GNB1: variants seen among roughly 807,000 people sequenced by gnomAD.
GNB1 encodes the protein guanine nucleotide-binding protein G(I)/G(S)/G(T) subunit beta-1.
Under a neutral mutation model 42.9 loss-of-function variants are expected in GNB1, and 2 were observed. The observed-to-expected ratio is 0.05, with a 90% CI of 0.02 to 0.15. GNB1 has a LOEUF of 0.15. Ranked by LOEUF, GNB1 falls within the 10% of genes least tolerant of loss-of-function variation. The pLI is 1.00. For synonymous variants in GNB1, 183 were observed against 174.7 expected (o/e 1.05, Z -0.38); for missense variants, 193 against 462.2 (o/e 0.42, Z 5.34).
At chr1:1,890,361 C>T (rs1404329688) in intron 1 of GNB1, 2 of 151,452 alleles carry the variant, frequency 1.3e-5, no homozygotes, top group Admixed American at 1.3e-4. Context: ...CCCTCAAAGT[C>T]ACCCCGATAG....
chr1:1,881,141 A>C (rs1649823830), intron 1 of GNB1, among the ~76,000 whole-genome samples: 1 of 152,014 alleles, frequency 6.6e-6, no homozygotes, highest in Non-Finnish European at 1.5e-5. Context: ...AACACACACA[A>C]ACTAAACTCA....
At chr1:1,888,539 G>T (rs186193920) in intron 1 of GNB1, among the ~76,000 whole-genome samples, 1 of 152,118 alleles carries the variant, frequency 6.6e-6, no homozygotes. Context: ...CTAATCGTTA[G>T]AAAGTTCTGC....
At chr1:1,863,856 G>A (rs768098470) in intron 1 of GNB1, among the ~76,000 whole-genome samples, 19 of 152,252 alleles carry the variant, frequency 1.2e-4, no homozygotes, top group Non-Finnish European at 2.6e-4. Flanking sequence ...TTAAAGAATA[G>A]GACAGAACAA....
At chr1:1,795,494 G>A (rs984464872) in intron 7 of GNB1, among the ~76,000 whole-genome samples, 5 of 152,122 alleles carry the variant, frequency 3.3e-5, no homozygotes, top group Non-Finnish European at 7.4e-5. Context: ...GGCTGGACGC[G>A]GTGGCTCATG....
At chr1:1,871,579 T>C (rs1649251181) in intron 1 of GNB1, among the ~76,000 whole-genome samples, 2 of 152,134 alleles carry the variant, frequency 1.3e-5, no homozygotes, top group African/African-American at 4.8e-5. Flanking sequence ...CTCCTTTTAA[T>C]AACCCCTCCA....
chr1:1,815,649 A>ACTTCCTAG (rs1288316022), intron 5 of GNB1, 107 bp downstream of exon 5: 8 of 642,750 alleles, frequency 1.2e-5, no homozygotes, highest in Non-Finnish European at 2.0e-5. Flanking sequence ...CAACTTCCTA[A>ACTTCCTAG]TTTCTTCACT....
chr1:1,830,979 C>T (rs774762816), intron 2 of GNB1, among the ~76,000 whole-genome samples: 20 of 152,102 alleles, frequency 1.3e-4, no homozygotes, highest in Non-Finnish European at 2.6e-4. Context: ...GCCTGGCCAA[C>T]GTGGTGAAAC....
chr1:1,872,263 C>A (rs1649290150), intron 1 of GNB1, among the ~76,000 whole-genome samples: 1 of 152,194 alleles, frequency 6.6e-6, no homozygotes, highest in South Asian at 2.1e-4. Flanking sequence ...TAAGCATGAA[C>A]CACTGCACCC....
At chr1:1,859,705 G>A (rs1271560887) in intron 1 of GNB1, among the ~76,000 whole-genome samples, 2 of 148,562 alleles carry the variant, frequency 1.3e-5, no homozygotes, top group Non-Finnish European at 3.0e-5. Context: ...GGGGGAGAGG[G>A]GTGGGAAAGA....
intron 4 of GNB1, among the ~76,000 whole-genome samples, chr1:1,816,121 G>C (rs184519494): frequency 1.3e-5 from 2 of 152,318 alleles, no homozygotes; most frequent in Admixed American, 1.3e-4. Context: ...CAGCCTTGAA[G>C]CACTTGCTGT....
intron 1 of GNB1, among the ~76,000 whole-genome samples, chr1:1,867,121 G>A (rs1026845834): frequency 2.6e-5 from 4 of 152,010 alleles, no homozygotes; most frequent in African/African-American, 9.7e-5. Flanking sequence ...ACAAAAATTA[G>A]CCAAGCATGG....
intron 1 of GNB1, among the ~76,000 whole-genome samples, chr1:1,849,226 ATG>A (rs1647848997): frequency 6.6e-6 from 1 of 152,170 alleles, no homozygotes; most frequent in Admixed American, 6.6e-5. Context: ...GGCTTGGAGG[ATG>A]TGTGCTTGAG....
chr1:1,806,650 T>C (rs1646698962), intron 5 of GNB1, 112 bp from the exon 6 acceptor site: 2 of 633,098 alleles, frequency 3.2e-6, no homozygotes, highest in Admixed American at 2.9e-5. Context: ...ATGTTACATG[T>C]GCTTCAGACA....
rs946068958 is a variant in GNB1, at chr1:1,787,515, C to T, written c.917-78G>A. Reference sequence around the variant, plus strand: ...CCTGTGTGCCATGTTGTGACGAGGACGGATGGTGCATCTCTCATGGGACAA... The same window carrying T: ...CCTGTGTGCCATGTTGTGACGAGGATGGATGGTGCATCTCTCATGGGACAA... On this transcript the variant is annotated intron_variant, in intron 10 of 11. Coordinates refer to ENST00000378609, the MANE Select transcript of GNB1 (RefSeq NM_002074.5). The surrounding 1 kb of genome is among the most constrained non-coding windows in gnomAD (Gnocchi z 4.4). 3.8e-5 allele frequency: 32 copies of T among 843,892 alleles called. No homozygotes were observed. Among genetic ancestry groups the T allele is most frequent in the Non-Finnish European group, 5.1e-5 (26 of 509,258 alleles). The allele number at this position is 843,892 out of a possible 1,614,324, so 52.3% of individuals were successfully genotyped here.
chr1:1,841,406 C>CT (rs1461983364), intron 1 of GNB1, among the ~76,000 whole-genome samples: 1 of 152,168 alleles, frequency 6.6e-6, no homozygotes, highest in African/African-American at 2.4e-5. Context: ...TCTCAAACTC[C>CT]TGACCTCAGG....
At chr1:1,825,898 G>A (rs12090110) in intron 2 of GNB1, among the ~76,000 whole-genome samples, 2,593 of 151,876 alleles carry the variant, frequency 0.017, 68 homozygotes, top group South Asian at 0.06. Flanking sequence ...GAGAACTATG[G>A]TCTCATTACA....
At chr1:1,832,130 T>A (rs1647085463) in intron 2 of GNB1, 1 of 151,974 alleles carries the variant, frequency 6.6e-6, no homozygotes, top group Non-Finnish European at 1.5e-5. Flanking sequence ...AGAATAGCAT[T>A]TTTATTATAA....
intron 5 of GNB1, among the ~76,000 whole-genome samples, chr1:1,812,509 G>T (rs189835018): frequency 3.3e-5 from 5 of 151,948 alleles, no homozygotes; most frequent in Admixed American, 2.0e-4. Context: ...TTTACAACAA[G>T]CAATCTCTAG....
At chr1:1,860,258 T>C (rs1648546055) in intron 1 of GNB1, among the ~76,000 whole-genome samples, 1 of 151,862 alleles carries the variant, frequency 6.6e-6, no homozygotes, top group Non-Finnish European at 1.5e-5. Context: ...ATGGCAAAAA[T>C]AGACAATGGG....
Sources: allele counts gnomAD v4.1 joint callset (sites outside exome capture counted in the v4.1 genomes callset), GRCh38; gene constraint gnomAD v4.1.1; non-coding constraint Gnocchi (gnomAD v3.1); transcripts MANE v1.5; gene names NCBI Gene and HGNC (gene_info 2026-07-23, HGNC 2026-07-21).